ZNF469: variants seen among roughly 807,000 people sequenced by gnomAD.
ZNF469 encodes zinc finger protein 469.
Under a neutral mutation model 1.0 loss-of-function variants are expected in ZNF469, and 1 was observed. The ratio of observed to expected loss-of-function variants is 1.00; its 90% CI spans 0.35 to 4.73. The LOEUF (loss-of-function observed/expected upper bound fraction) is 4.73. Among genes scored for constraint, ZNF469 ranks in the 30% most tolerant of loss-of-function variants. The pLI, the probability that ZNF469 is intolerant of heterozygous loss-of-function variation, is 0.16. For synonymous variants in ZNF469, 2,703 were observed against 2,363.4 expected (o/e 1.14, Z -4.17); for missense variants, 6,100 against 5,356.3 (o/e 1.14, Z -4.33).
chr16:88,211,358 A>G, the ZNF469 span, among the ~76,000 whole-genome samples: 5 of 152,228 alleles, frequency 3.3e-5, no homozygotes, highest in East Asian at 1.9e-4. Context: ...GCATTAGTTA[A>G]ATGCCTGGAA....
the ZNF469 span, among the ~76,000 whole-genome samples, chr16:88,324,246 C>G: frequency 3.1e-3 from 468 of 152,388 alleles, 2 homozygotes; most frequent in African/African-American, 0.011. Flanking sequence ...CTGAAATTTT[C>G]TGAGCAATAC....
the ZNF469 span, among the ~76,000 whole-genome samples, chr16:88,377,496 C>T: frequency 6.6e-6 from 1 of 152,246 alleles, no homozygotes; most frequent in African/African-American, 2.4e-5. Flanking sequence ...TTGCTCTCGA[C>T]TGGGGCCATT....
chr16:88,298,845 G>A, the ZNF469 span, among the ~76,000 whole-genome samples: 1 of 152,174 alleles, frequency 6.6e-6, no homozygotes, highest in Non-Finnish European at 1.5e-5. Context: ...CCACATCCCT[G>A]TAGGGTCCAC....
the ZNF469 span, among the ~76,000 whole-genome samples, chr16:88,140,991 G>A: frequency 6.6e-6 from 1 of 152,066 alleles, no homozygotes; most frequent in African/African-American, 2.4e-5. Context: ...CCCTTTACAA[G>A]AGAATTTAAT....
chr16:88,150,363 CA>C, the ZNF469 span, among the ~76,000 whole-genome samples: 4 of 152,148 alleles, frequency 2.6e-5, no homozygotes, highest in Admixed American at 6.5e-5. Context: ...CTGCAAAAAT[CA>C]ATTTAGAGCC....
At chr16:88,169,063 G>A in the ZNF469 span, among the ~76,000 whole-genome samples, 1 of 152,120 alleles carries the variant, frequency 6.6e-6, no homozygotes, top group Non-Finnish European at 1.5e-5. This position sits in a 1 kb window ranked among gnomAD's most constrained non-coding sequence, Gnocchi z 6.1. Context: ...GAGTGTTAGG[G>A]TCCCTGGGAC....
At chr16:88,317,662 T>G in the ZNF469 span, among the ~76,000 whole-genome samples, 1 of 152,216 alleles carries the variant, frequency 6.6e-6, no homozygotes, top group Non-Finnish European at 1.5e-5. Flanking sequence ...AGGCCTTCTC[T>G]TTCCTCACTC....
At chr16:88,185,409 A>G in the ZNF469 span, among the ~76,000 whole-genome samples, 163 of 152,302 alleles carry the variant, frequency 1.1e-3, 1 homozygote, top group African/African-American at 3.7e-3. Context: ...ATTTGCACTT[A>G]TACTCACATG....
Position 88,428,207 on chromosome 16 carries a change from C to T in ZNF469, c.737C>T (p.Ala246Val), listed in dbSNP as rs1471066594. The T allele has an allele frequency of 6.5e-6, 10 of 1,550,190 alleles. No homozygotes were observed. The highest frequency in any genetic ancestry group is 1.4e-5 in the African/African-American group (1 of 73,044). ...PPAAENSFPG[A>V]NFGVPPAEPE... ...GCTGCTGAGAATAGCTTCCCAGGTGCTAATTTCGGGGTTCCCCCCGCCGAG... is the reference window on the plus strand; with the variant it reads ...GCTGCTGAGAATAGCTTCCCAGGTGTTAATTTCGGGGTTCCCCCCGCCGAG... Residue 246 changes from alanine (A) to valine (V), a missense_variant, in exon 3 of 3, where the codon GCT (alanine) becomes GTT (valine). Coordinates refer to ENST00000565624, the MANE Select transcript of ZNF469 (RefSeq NM_001367624.2).
the ZNF469 span, among the ~76,000 whole-genome samples, chr16:88,109,906 A>C: frequency 2.6e-5 from 4 of 152,200 alleles, no homozygotes; most frequent in African/African-American, 9.6e-5. Context: ...TGGGCACATG[A>C]TGGACTCTTA....
rs1483377476 is a variant in ZNF469, at chr16:88,432,740, G to A, written c.5270G>A (p.Ser1757Asn). The A allele has an allele frequency of 6.4e-7, 1 of 1,550,436 alleles. No homozygotes were observed. Among genetic ancestry groups the A allele is most frequent in the Admixed American group, 2.0e-5 (1 of 51,008 alleles). ...LSFPKNKEAA[S>N]SQESEDSLRL... Reference sequence around the variant, plus strand: ...TTTCCTAAGAATAAGGAGGCCGCCAGCTCACAAGAAAGTGAAGACTCCCTG... The same window carrying A: ...TTTCCTAAGAATAAGGAGGCCGCCAACTCACAAGAAAGTGAAGACTCCCTG... The change falls in exon 3 of 3, where the codon AGC becomes AAC. Residue 1757 changes from serine to asparagine, a missense_variant. By Grantham distance (46) the Ser-to-Asn change is conservative. Coordinates refer to ENST00000565624, the MANE Select transcript of ZNF469 (RefSeq NM_001367624.2).
the ZNF469 span, among the ~76,000 whole-genome samples, chr16:88,262,794 CA>C: frequency 6.6e-6 from 1 of 152,026 alleles, no homozygotes; most frequent in South Asian, 2.1e-4. The surrounding 1 kb of genome is among the most constrained non-coding windows in gnomAD (Gnocchi z 4.3). Flanking sequence ...TTCTCATAAA[CA>C]GAGGCCTAAG....
intron 1 of ZNF469, among the ~76,000 whole-genome samples, chr16:88,390,510 A>G (rs1336569652): frequency 1.3e-5 from 2 of 152,304 alleles, no homozygotes; most frequent in South Asian, 2.1e-4. Context: ...CTCCTGACCC[A>G]AGTCTCACTT....
chr16:88,190,782 T>G, the ZNF469 span, among the ~76,000 whole-genome samples: 1 of 152,174 alleles, frequency 6.6e-6, no homozygotes, highest in African/African-American at 2.4e-5. Flanking sequence ...CCTTTTGCAG[T>G]CTTACTTTCC....
At chr16:88,172,065 G>T in the ZNF469 span, among the ~76,000 whole-genome samples, 2 of 152,220 alleles carry the variant, frequency 1.3e-5, no homozygotes, top group Non-Finnish European at 2.9e-5. Context: ...TGTAATGAGG[G>T]GAGAGGAGAT....
At position 88,431,961 on chromosome 16, in the gene ZNF469, G is replaced by T. The variant is rs902379157; in HGVS notation, c.4491G>T (p.Pro1497=). The T allele has an allele frequency of 6.5e-7, 1 of 1,549,210 alleles. No homozygotes were observed. Among genetic ancestry groups the T allele is most frequent in the African/African-American group, 1.4e-5 (1 of 72,956 alleles). The change falls in exon 3 of 3, where the codon CCG becomes CCT. Residue 1497 remains proline, a synonymous_variant. Coordinates refer to ENST00000565624, the MANE Select transcript of ZNF469 (RefSeq NM_001367624.2). ...AGAAGACGGTGCCGTCAGATCCACC[G>T]TACCCCTCTTTTTTGCTGCTTGAGG... ...PPQKTVPSDP[P]YPSFLLLEEV...
chr16:88,133,182 G>T, the ZNF469 span, among the ~76,000 whole-genome samples: 2 of 152,364 alleles, frequency 1.3e-5, no homozygotes, highest in Admixed American at 1.3e-4. Flanking sequence ...GGGAAGGCGG[G>T]CACTGAAACA....
chr16:88,120,512 T>C, the ZNF469 span, among the ~76,000 whole-genome samples: 1 of 152,208 alleles, frequency 6.6e-6, no homozygotes, highest in Non-Finnish European at 1.5e-5. Context: ...ACTGTGACGG[T>C]CACCTGGACT....
the ZNF469 span, among the ~76,000 whole-genome samples, chr16:88,232,832 A>G: frequency 2.0e-5 from 3 of 152,256 alleles, no homozygotes; most frequent in Admixed American, 1.3e-4. Context: ...ACTATTTGAC[A>G]TTCGGAGCTG....
Sources: allele counts gnomAD v4.1 joint callset (sites outside exome capture counted in the v4.1 genomes callset), GRCh38; gene constraint gnomAD v4.1.1; non-coding constraint Gnocchi (gnomAD v3.1); transcripts MANE v1.5; gene names NCBI Gene and HGNC (gene_info 2026-07-23, HGNC 2026-07-21).